Variants in TTN observed in about 807,000 individuals in gnomAD.
The protein encoded by TTN is titin, also known as connectin.
TTN carries 1,525 observed loss-of-function variants against 3,223.0 expected under a neutral mutation model. The observed-to-expected ratio is 0.47, with a 90% CI of 0.45 to 0.49. The LOEUF is 0.49. TTN is among the 20% of genes least tolerant of loss of function. The pLI is 0.00. For missense variants in TTN, 40,786 were observed against 43,424.0 expected, an observed-to-expected ratio of 0.94 and a Z score of 5.40; for synonymous variants, 14,094 against 15,161.0, an observed-to-expected ratio of 0.93 and a Z score of 5.17.
rs72650003 is a variant in TTN, at chr2:178,706,696, G to A, written c.29178C>T (p.Ile9726=). ...TCCCTTTTGTCCATTTAACATTTGG[G>A]ATTGGGTCACCTCCAACTTTTGCAA... ...TFIAKVGGDP[I]PNVKWTKGKW... Residue 9726 remains isoleucine, a synonymous_variant, in exon 102 of 363, where the codon ATC becomes ATT. Coordinates refer to ENST00000589042, the MANE Select transcript of TTN (RefSeq NM_001267550.2). 6.2e-7 allele frequency: 1 copy of A among 1,612,864 alleles called. No homozygotes were observed. The highest frequency in any genetic ancestry group is 1.1e-5 in the South Asian group (1 of 90,980).
Position 178,775,195 on chromosome 2 carries a change from T to C in TTN, c.6516A>G (p.Gln2172=), listed in dbSNP as rs2092072955. ...SHAFLLVQAK[Q]LITFTQELQD... ...GTAATTCCTGTGTGAAAGTGATCAA[T>C]TGCTTGGCTACAAGAAAAAGGTGGG... Residue 2172 remains glutamine (Q), a synonymous_variant, in exon 29 of 363, where the codon CAA becomes CAG. Coordinates refer to ENST00000589042, the MANE Select transcript of TTN (RefSeq NM_001267550.2). 5 of 1,613,782 alleles carry C rather than the reference T, an allele frequency of 3.1e-6. No homozygotes were observed. Among genetic ancestry groups the C allele is most frequent in the Non-Finnish European group, 4.2e-6 (5 of 1,179,960 alleles).
chr2:178,562,280 C>T lies in TTN; in HGVS notation c.83852G>A (p.Gly27951Glu), dbSNP rs1316247758. 2 of 1,613,326 alleles carry T rather than the reference C, an allele frequency of 1.2e-6. No homozygotes were observed. The highest frequency in any genetic ancestry group is 1.3e-5 in the African/African-American group (1 of 74,896). Residue 27951 changes from glycine (G) to glutamate (E), a missense_variant, in exon 326 of 363, where the codon GGA (glycine) becomes GAA (glutamate). Gly to Glu is a moderately conservative substitution (Grantham distance 98). Coordinates refer to ENST00000589042, the MANE Select transcript of TTN (RefSeq NM_001267550.2). Reference protein sequence around the residue: ...EKGRSDPRQLGVPVIARDIEI... With the variant: ...EKGRSDPRQLEVPVIARDIEI... Reference sequence around the variant, plus strand: ...AATATCCCTTGCAATTACTGGCACTCCAAGTTGTCTTGGATCACTTCTTCC... The same window carrying T: ...AATATCCCTTGCAATTACTGGCACTTCAAGTTGTCTTGGATCACTTCTTCC...
Position 178,769,746 on chromosome 2 carries a change from TG to T in TTN, c.8834del (p.Thr2945LysfsTer20). ...CAAATGTGTATTCTGCCGAGTCCTC[TG>T]TGCTGGTGTTCATGATGATCAGCTG... ...LHQLIIMNTS[T>X]EDSAEYTFVC... On this transcript the variant is annotated frameshift_variant, in exon 37 of 363. Coordinates refer to ENST00000589042, the MANE Select transcript of TTN (RefSeq NM_001267550.2). LOFTEE classifies it high-confidence loss of function. 3.1e-6 allele frequency: 5 copies of T among 1,614,104 alleles called. No individual in the cohort carries two copies. The highest frequency in any genetic ancestry group is 4.2e-6 in the Non-Finnish European group (5 of 1,179,990).
Position 178,586,778 on chromosome 2 carries a change from C to CT in TTN, c.64122dup (p.Val21375SerfsTer3). ...GCACTGTTCTTGGTCATTTCAGTCACTTCTAATTTCCTTGGGGGATCCGGC... is the reference window on the plus strand; with the variant it reads ...GCACTGTTCTTGGTCATTTCAGTCACTTTCTAATTTCCTTGGGGGATCCGGC... On this transcript the variant is annotated frameshift_variant, in exon 308 of 363. Transcript: ENST00000589042. LOFTEE classifies it high-confidence loss of function. The CT allele has an allele frequency of 6.2e-7, 1 of 1,612,792 alleles. No homozygotes were observed. The highest frequency in any genetic ancestry group is 8.5e-7 in the Non-Finnish European group (1 of 1,179,226).
rs533359247 is a variant in TTN at position 178,799,715 on chromosome 2, A to G, written c.686T>C (p.Phe229Ser). The G allele has an allele frequency of 6.2e-7, 1 of 1,614,174 alleles. No individual in the cohort carries two copies. The highest frequency in any genetic ancestry group is 1.1e-5 in the South Asian group (1 of 91,084). The change falls in exon 6 of 363, where the codon TTT (phenylalanine) becomes TCT (serine). Residue 229 changes from phenylalanine to serine, a missense_variant. By Grantham distance (155) the Phe-to-Ser change is radical. Transcript: ENST00000589042. ...AACTGTTGCAATTGATCTGGCATCA[A>G]AGTGGGCTTCAATCTTCTGTAAAAG... Reference protein sequence around the residue: ...TRIEKKIEAHFDARSIATVEM... With the variant: ...TRIEKKIEAHSDARSIATVEM...
rs745822255 is a variant in TTN at position 178,534,491 on chromosome 2, T to G, written c.102124A>C (p.Ile34042Leu). The change falls in exon 358 of 363, where the codon ATT becomes CTT. Residue 34042 changes from isoleucine (I) to leucine (L), a missense_variant. Coordinates refer to ENST00000589042, the MANE Select transcript of TTN (RefSeq NM_001267550.2). ...YTFDEEAFKE[I>L]SIEAMDFVDR... ...ACAAAATCCATGGCTTCAATGCTAATCTCTTTGAATGCTTCCTCATCGAAA... is the reference window on the plus strand; with the variant it reads ...ACAAAATCCATGGCTTCAATGCTAAGCTCTTTGAATGCTTCCTCATCGAAA... 11 of 1,613,802 alleles carry G rather than the reference T, an allele frequency of 6.8e-6. No individual in the cohort carries two copies. In the South Asian group the frequency reaches 1.2e-4, roughly 18 times the overall value.
chr2:178,530,482 G>T lies in TTN; in HGVS notation c.106133C>A (p.Ala35378Asp). Reference protein sequence around the residue: ...SKTNLQFMGQAFKSIHEKVSK... With the variant: ...SKTNLQFMGQDFKSIHEKVSK... Reference sequence around the variant, plus strand: ...TACCTTCTCATGGATACTCTTAAAGGCTTGCCCCATAAATTGTAAGTTGGT... The same window carrying T: ...TACCTTCTCATGGATACTCTTAAAGTCTTGCCCCATAAATTGTAAGTTGGT... The change falls in exon 358 of 363, where the codon GCC becomes GAC. Residue 35378 changes from alanine to aspartate, a missense_variant. By Grantham distance (126) the Ala-to-Asp change is moderately radical. Transcript: ENST00000589042. 3.1e-6 allele frequency: 5 copies of T among 1,613,934 alleles called. No homozygotes were observed. Among genetic ancestry groups the T allele is most frequent in the Non-Finnish European group, 4.2e-6 (5 of 1,179,874 alleles).
In TTN at chr2:178,725,901, G is replaced by A. The variant is rs2154304578; in HGVS notation, c.20421C>T (p.Tyr6807=). The change falls in exon 70 of 363, where the codon TAC becomes TAT. Residue 6807 remains tyrosine (Y), a synonymous_variant. Coordinates refer to ENST00000589042, the MANE Select transcript of TTN (RefSeq NM_001267550.2). ...DKRQLRSSKK[Y]KIASKNFHTS... is the part of the protein sequence containing the mutation. ...TGTGGAAGTTTTTGGATGCAATCTT[G>A]TATTTCTTGCTGCTTCTGAGTTGCC... 1.2e-6 allele frequency: 2 copies of A among 1,613,124 alleles called. No individual in the cohort carries two copies. The highest frequency in any genetic ancestry group is 1.7e-5 in the Admixed American group (1 of 59,906).
Position 178,727,314 on chromosome 2 carries a change from G to T in TTN, c.20051C>A (p.Ser6684Tyr). 1 of 1,612,024 alleles carries T rather than the reference G, an allele frequency of 6.2e-7. No individual in the cohort carries two copies. Among genetic ancestry groups the T allele is most frequent in the Non-Finnish European group, 8.5e-7 (1 of 1,178,828 alleles). ...AGCTATCTTGCATTCAAGTCGTGAA[G>T]AGTCACCTGCTTTCACAATTTTGGA... is the stretch of plus-strand genomic sequence containing the variant. Reference protein sequence around the residue: ...EASKIVKAGDSSRLECKIAGS... With the variant: ...EASKIVKAGDYSRLECKIAGS... Residue 6684 changes from serine (S) to tyrosine (Y), a missense_variant, in exon 69 of 363, where the codon TCT becomes TAT. Physicochemically the swap from Ser to Tyr is moderately radical, Grantham distance 144 (BLOSUM62 -2). Transcript: ENST00000589042.
chr2:178,686,940 G>A (rs574372233), intron 127 of TTN, among the ~76,000 whole-genome samples: 13 of 152,260 alleles, frequency 8.5e-5, no homozygotes, highest in Admixed American at 3.9e-4. Context: ...AGATGGAGTC[G>A]TCTTCAAATC....
chr2:178,784,103 C>T lies in TTN; in HGVS notation c.2742G>A (p.Glu914=), dbSNP rs145735907. The T allele has an allele frequency of 1.9e-6, 3 of 1,613,804 alleles. No individual in the cohort carries two copies. The highest frequency in any genetic ancestry group is 2.2e-5 in the South Asian group (2 of 91,078). The change falls in exon 16 of 363, where the codon GAG becomes GAA. Residue 914 remains glutamate (E), a synonymous_variant. Transcript: ENST00000589042. ...CGCGTCCGTGCAGTACTTCAAAGCG[C>T]TCTTCACGGACGGTGGTGCCAGTGA... is the stretch of plus-strand genomic sequence containing the variant. ...VSITGTTVRE[E]RFEVLHGREA...
chr2:178,610,167 C>A lies in TTN; in HGVS notation c.51359G>T (p.Arg17120Leu). 6.2e-7 allele frequency: 1 copy of A among 1,613,022 alleles called. No homozygotes were observed. The highest frequency in any genetic ancestry group is 1.7e-5 in the Admixed American group (1 of 59,956). ...DLIPNGEYFF[R>L]VKAVNKVGGG... is the part of the protein sequence containing the mutation. ...ACCAACCTTGTTGACTGCTTTAACACGGAAGAAGTATTCACCATTTGGTAT... is the reference window on the plus strand; with the variant it reads ...ACCAACCTTGTTGACTGCTTTAACAAGGAAGAAGTATTCACCATTTGGTAT... Residue 17120 changes from arginine (R) to leucine (L), a missense_variant, in exon 271 of 363, where the codon CGT becomes CTT. Transcript: ENST00000589042.
rs1179326258 is a variant in TTN at position 178,528,030 on chromosome 2, T to C, written c.107377+244A>G. On this transcript the variant is annotated intron_variant, in intron 361 of 362. Transcript: ENST00000589042. ...AGTCATATAGAAAGTAATTGACATA[T>C]TGTGCATCCTGCAAATAAATGTTAC... The C allele has an allele frequency of 1.4e-5, 8 of 557,488 alleles. No individual in the cohort carries two copies. The Middle Eastern group carries it at 1.4e-3, about 99-fold the overall frequency. 34.5% of individuals were successfully genotyped at this position (557,488 alleles called of 1,614,324 possible). A position where few individuals can be genotyped will look rare whatever the true frequency, so the allele number is the denominator to read the frequency against.
intron 242 of TTN, 49 bp from the exon 243 acceptor site, chr2:178,622,816 C>G (rs1414922955): frequency 7.3e-7 from 1 of 1,371,846 alleles, no homozygotes. Context: ...TGGAAATTTA[C>G]TCTGACATTA....
In TTN at chr2:178,657,542, A is replaced by G; in HGVS notation, c.37994T>C (p.Val12665Ala). The G allele has an allele frequency of 3.8e-6, 6 of 1,580,568 alleles. 1 individual carries two copies. Among genetic ancestry groups the G allele is most frequent in the Non-Finnish European group, 5.1e-6 (6 of 1,167,530 alleles). The change falls in exon 189 of 363, where the codon GTG (valine) becomes GCG (alanine). Residue 12665 changes from valine (V) to alanine (A), a missense_variant. By Grantham distance (64) the Val-to-Ala change is moderately conservative. Transcript: ENST00000589042. ...APKEVVLEKK[V>A]PSTPPKKPEV... ...AGGCTTTTTAGGAGGAGTCGAGGGC[A>G]CTTTCTTTTCAAGGACAACTTCTTT... is the stretch of plus-strand genomic sequence containing the variant.
rs147603843 is a variant in TTN, at chr2:178,782,885, C to T, written c.3021G>A (p.Ala1007=). The T allele has an allele frequency of 2.7e-5, 44 of 1,613,938 alleles. No homozygotes were observed. In the Admixed American group the frequency reaches 4.0e-4, roughly 15 times the overall value. The change falls in exon 18 of 363, where the codon GCG becomes GCA. Residue 1007 remains alanine, a synonymous_variant. Coordinates refer to ENST00000589042, the MANE Select transcript of TTN (RefSeq NM_001267550.2). The stretch of plus-strand genomic sequence containing the variant: ...TGCAAGTAAATCGCCCGCTGTCTTC[C>T]GCAAATGCTTCGCGAATCATAAGAC... ...IARLMIREAF[A]EDSGRFTCSA...
chr2:178,625,365 G>A lies in TTN; in HGVS notation c.44456C>T (p.Thr14819Ile), dbSNP rs778014249. 3.5e-5 allele frequency: 55 copies of A among 1,587,866 alleles called. No homozygotes were observed. Among genetic ancestry groups the A allele is most frequent in the Middle Eastern group, 1.7e-4 (1 of 6,004 alleles). Residue 14819 changes from threonine to isoleucine, a missense_variant, in exon 241 of 363, where the codon ACA becomes ATA. Thr to Ile is a moderately conservative substitution (Grantham distance 89). Coordinates refer to ENST00000589042, the MANE Select transcript of TTN (RefSeq NM_001267550.2). ...TAACTTTACATCCCTCAGAGTAAGT[G>A]TATGAACTTTTCCTTCTGAACGTGG... ...VVPRSEGKVH[T>I]LTLRDVKLED...
In TTN at chr2:178,608,493, CATTTGAAGTAA is replaced by C. The variant is rs954140355; in HGVS notation, c.52406-27_52406-17del. On this transcript the variant is annotated splice_polypyrimidine_tract_variant and intron_variant, in intron 274 of 362. Coordinates refer to ENST00000589042, the MANE Select transcript of TTN (RefSeq NM_001267550.2). Reference sequence around the variant, plus strand: ...TCAGGTGGTCCTGATAAAAAAATAACATTTGAAGTAAATTTCCCAGTATGACATAAAAATGC... The same window carrying C: ...TCAGGTGGTCCTGATAAAAAAATAACATTTCCCAGTATGACATAAAAATGC... 1.3e-6 allele frequency: 2 copies of C among 1,567,690 alleles called. No homozygotes were observed. The highest frequency in any genetic ancestry group is 2.7e-5 in the African/African-American group (2 of 72,804).
At chr2:178,727,561 C>G in intron 68 of TTN, 24 bp downstream of exon 68, 1 of 1,540,350 alleles carries the variant, frequency 6.5e-7, no homozygotes, top group Non-Finnish European at 8.7e-7. Flanking sequence ...CAGACAGAAA[C>G]ATAAAGGAAT....
Sources: allele counts gnomAD v4.1 joint callset (sites outside exome capture counted in the v4.1 genomes callset), GRCh38; gene constraint gnomAD v4.1.1; transcripts MANE v1.5; gene names NCBI Gene and HGNC (gene_info 2026-07-23, HGNC 2026-07-21).